Variants in EXOC6B observed in about 807,000 individuals in gnomAD.
EXOC6B encodes the protein SEC15 homolog B.
A neutral mutation model predicts 113.5 loss-of-function variants in EXOC6B; 54 were observed. The observed-to-expected ratio is 0.48, with a 90% CI of 0.38 to 0.60. The LOEUF (loss-of-function observed/expected upper bound fraction) is 0.60. EXOC6B is among the 20% of genes least tolerant of loss of function. The probability of loss-of-function intolerance (pLI) is 0.00; values close to 1 mark genes in which losing one functional copy is unlikely to be tolerated. For missense variants in EXOC6B, 797 were observed against 977.5 expected (o/e 0.82, Z 2.46); for synonymous variants, 357 against 339.0 (o/e 1.05, Z -0.58).
chr2:72,512,314 C>CGGAA lies in EXOC6B; in HGVS notation c.1167+814_1167+817dup, dbSNP rs745543998. Among the ~76,000 whole-genome samples the CGGAA allele has an allele frequency of 1.1e-3, 119 of 107,622 alleles. 7 individuals carry two copies. Among genetic ancestry groups the CGGAA allele is most frequent in the Non-Finnish European group, 1.6e-3 (86 of 54,824 alleles). The allele number at this position is 107,622 out of a possible 152,430, so 70.6% of individuals were successfully genotyped here. On this transcript the variant is annotated intron_variant, in intron 11 of 21. Coordinates refer to ENST00000272427, the MANE Select transcript of EXOC6B (RefSeq NM_015189.3). ...AAGCATAATCAATCTTTAAGAAACA[C>CGGAA]GGAAGGAAGGAAGGAAGGAAGGAAG...
chr2:72,507,893 C>T (rs868476614), intron 11 of EXOC6B, among the ~76,000 whole-genome samples: 9 of 146,920 alleles, frequency 6.1e-5, no homozygotes, highest in Non-Finnish European at 1.2e-4. Context: ...TTTTGTACTG[C>T]GAGATTTAGA....
chr2:72,416,936 T>C (rs1038242378), intron 18 of EXOC6B, among the ~76,000 whole-genome samples: 1 of 152,116 alleles, frequency 6.6e-6, no homozygotes, highest in Non-Finnish European at 1.5e-5. Context: ...CACATACTCG[T>C]TCGGTACATT....
Position 72,776,868 on chromosome 2 carries a change from C to T in EXOC6B, c.114-35399G>A, listed in dbSNP as rs191948950. Among the ~76,000 whole-genome samples, 358 of 151,954 alleles carry T rather than the reference C, an allele frequency of 2.4e-3. 1 individual carries two copies. The highest frequency in any genetic ancestry group is 8.1e-3 in the African/African-American group (337 of 41,414). ...ATCTGATGAAGAATATGAATATATA[C>T]TTCCAGGAAGTTCAACAAACTCCAA... On this transcript the variant is annotated intron_variant, in intron 1 of 21. Transcript: ENST00000272427.
At chr2:72,269,215 T>G (rs1196198468) in intron 20 of EXOC6B, among the ~76,000 whole-genome samples, 2 of 152,164 alleles carry the variant, frequency 1.3e-5, no homozygotes, top group South Asian at 2.1e-4. Context: ...AAAATGTTAA[T>G]TTTCAAGTCT....
chr2:72,276,246 G>C (rs1216197633), intron 20 of EXOC6B, among the ~76,000 whole-genome samples: 1 of 152,110 alleles, frequency 6.6e-6, no homozygotes, highest in Non-Finnish European at 1.5e-5. Context: ...AACAAAACTG[G>C]CTCAAAAGCA....
At chr2:72,776,358 TA>T (rs1343303939) in intron 1 of EXOC6B, among the ~76,000 whole-genome samples, 3 of 152,208 alleles carry the variant, frequency 2.0e-5, no homozygotes, top group Non-Finnish European at 4.4e-5. Context: ...GGCTCACGCC[TA>T]TAATCCCAGC....
At chr2:72,605,041 C>A (rs1670663555) in intron 6 of EXOC6B, among the ~76,000 whole-genome samples, 1 of 152,038 alleles carries the variant, frequency 6.6e-6, no homozygotes, top group African/African-American at 2.4e-5. Context: ...CGCCTGTAAT[C>A]CCAGCACTTT....
chr2:72,377,522 T>C (rs1396659840), intron 19 of EXOC6B, among the ~76,000 whole-genome samples: 1 of 152,206 alleles, frequency 6.6e-6, no homozygotes, highest in South Asian at 2.1e-4. Context: ...TGGAATATTA[T>C]TCAGACTTTA....
intron 20 of EXOC6B, among the ~76,000 whole-genome samples, chr2:72,334,222 C>T (rs1688566249): frequency 6.6e-6 from 1 of 152,082 alleles, no homozygotes; most frequent in African/African-American, 2.4e-5. Context: ...CCCCGCTCAC[C>T]CTGTTCCCTA....
At position 72,334,416 on chromosome 2, in the gene EXOC6B, C is replaced by T. The variant is rs931572377; in HGVS notation, c.2196+531G>A. On this transcript the variant is annotated intron_variant, in intron 20 of 21. Coordinates refer to ENST00000272427, the MANE Select transcript of EXOC6B (RefSeq NM_015189.3). The stretch of plus-strand genomic sequence containing the variant: ...GGCCTTTTCTAATCATCTTCAAAAA[C>T]GACCACTTAGTTACCCATGGCTGAC... Among the ~76,000 whole-genome samples the T allele has an allele frequency of 3.9e-5, 6 of 152,104 alleles. No homozygotes were observed. The South Asian group carries it at 6.2e-4, about 16-fold the overall frequency.
At chr2:72,668,978 T>C (rs1490189531) in intron 6 of EXOC6B, among the ~76,000 whole-genome samples, 2 of 152,158 alleles carry the variant, frequency 1.3e-5, no homozygotes, top group Admixed American at 6.5e-5. Context: ...TCCTAGCCAC[T>C]TGGGAGTCTG....
At chr2:72,501,305 A>C (rs372548500) in intron 11 of EXOC6B, among the ~76,000 whole-genome samples, 3 of 152,046 alleles carry the variant, frequency 2.0e-5, no homozygotes, top group South Asian at 2.1e-4. Flanking sequence ...CTAGTTGTTT[A>C]AAGAGCCTGG....
Position 72,253,033 on chromosome 2 carries a change from T to C in EXOC6B, c.2197-68846A>G, listed in dbSNP as rs147524017. ...AGCAAAAAACAACCCCATTAAAAAG[T>C]TGGCAAAGGACATGAACACTTTTCA... On this transcript the variant is annotated intron_variant, in intron 20 of 21. Transcript: ENST00000272427. Among the ~76,000 whole-genome samples the C allele has an allele frequency of 6.8e-3, 1,028 of 152,204 alleles. 14 individuals carry two copies. Among genetic ancestry groups the C allele is most frequent in the African/African-American group, 0.024 (982 of 41,516 alleles).
intron 5 of EXOC6B, among the ~76,000 whole-genome samples, chr2:72,727,655 G>C (rs1311737155): frequency 1.3e-5 from 2 of 152,112 alleles, no homozygotes; most frequent in African/African-American, 4.8e-5. Context: ...AAAGTAATTG[G>C]GGATGACGGT....
chr2:72,715,029 G>A (rs1679516952), intron 6 of EXOC6B, among the ~76,000 whole-genome samples: 3 of 152,080 alleles, frequency 2.0e-5, no homozygotes, highest in African/African-American at 4.8e-5. Flanking sequence ...CACTTTGGGA[G>A]GCCGAGGCGG....
At chr2:72,680,527 T>A (rs532633213) in intron 6 of EXOC6B, among the ~76,000 whole-genome samples, 10 of 152,088 alleles carry the variant, frequency 6.6e-5, no homozygotes, top group Non-Finnish European at 1.0e-4. Context: ...TCACCTGAGG[T>A]TAGGAGTTTG....
At chr2:72,671,402 A>G (rs1297089104) in intron 6 of EXOC6B, among the ~76,000 whole-genome samples, 3 of 152,148 alleles carry the variant, frequency 2.0e-5, no homozygotes, top group Non-Finnish European at 4.4e-5. Flanking sequence ...TGGGTATATG[A>G]AAAAGGCTCT....
At chr2:72,237,225 C>T (rs566261239) in intron 20 of EXOC6B, among the ~76,000 whole-genome samples, 1 of 152,230 alleles carries the variant, frequency 6.6e-6, no homozygotes, top group South Asian at 2.1e-4. Context: ...TCCTGAAGTT[C>T]AATGTATCAC....
intron 20 of EXOC6B, among the ~76,000 whole-genome samples, chr2:72,283,679 A>C (rs550558335): frequency 7.9e-5 from 12 of 152,218 alleles, no homozygotes; most frequent in African/African-American, 2.2e-4. Context: ...GGGGTAAAGG[A>C]ACCATTCCTC....
Sources: allele counts gnomAD v4.1 joint callset (sites outside exome capture counted in the v4.1 genomes callset), GRCh38; gene constraint gnomAD v4.1.1; transcripts MANE v1.5; gene names NCBI Gene and HGNC (gene_info 2026-07-23, HGNC 2026-07-21).